The following BIRC3 variants were observed in gnomAD, a reference collection of about 807,000 sequenced individuals.
BIRC3 encodes baculoviral IAP repeat containing 3.
BIRC3 carries 26 observed loss-of-function variants against 59.0 expected under a neutral mutation model. That is an observed-to-expected ratio of 0.44 (90% confidence interval 0.32 to 0.61). The LOEUF (loss-of-function observed/expected upper bound fraction) is 0.61. Ranked by LOEUF, BIRC3 falls within the 20% of genes least tolerant of loss-of-function variation. The pLI, the probability that BIRC3 is intolerant of heterozygous loss-of-function variation, is 0.04. For synonymous variants in BIRC3, 243 were observed against 249.2 expected, an observed-to-expected ratio of 0.98 and a Z score of 0.24; for missense variants, 641 against 711.5, an observed-to-expected ratio of 0.90 and a Z score of 1.13.
chr11:102,325,605 A>G (rs779904963), intron 3 of BIRC3, 40 bp downstream of exon 3: 6 of 1,576,434 alleles, frequency 3.8e-6, no homozygotes, highest in Non-Finnish European at 4.4e-6. Context: ...TCTTGTGATT[A>G]TCATGAGATT....
chr11:102,335,877 T>C, intron 6 of BIRC3, 89 bp from the exon 7 acceptor site: 1 of 1,336,882 alleles, frequency 7.5e-7, no homozygotes, highest in Non-Finnish European at 1.0e-6. Context: ...GAATTAAAGA[T>C]AGTTTTTATC....
intron 4 of BIRC3, among the ~76,000 whole-genome samples, chr11:102,328,477 A>G (rs1447743865): frequency 6.6e-6 from 1 of 152,216 alleles, no homozygotes; most frequent in Non-Finnish European, 1.5e-5. Flanking sequence ...AACCTTGAGA[A>G]AGCAAATAAC....
rs1350859397 is a variant in BIRC3 at position 102,336,164 on chromosome 11, C to T, written c.1523C>T (p.Thr508Ile). 6.2e-7 allele frequency: 1 copy of T among 1,613,704 alleles called. No individual in the cohort carries two copies. Among genetic ancestry groups the T allele is most frequent in the Non-Finnish European group, 8.5e-7 (1 of 1,179,904 alleles). The change falls in exon 7 of 9, where the codon ACT becomes ATT. Residue 508 changes from threonine to isoleucine, a missense_variant. By Grantham distance (89) the Thr-to-Ile change is moderately conservative (BLOSUM62 -1). Around this residue, in one of 4 missense-constraint regions of BIRC3, gnomAD observed 268 missense variants for 255.7 expected, o/e 1.05. Transcript: ENST00000263464. ...TILVKGNIAA[T>I]VFRNSLQEAE... ...TTAGTAAAAGGAAATATTGCAGCCA[C>T]TGTATTCAGAAACTCTCTGCAAGAA...
chr11:102,323,642 T>C lies in BIRC3; in HGVS notation c.-868T>C, dbSNP rs1951053248. The C allele has an allele frequency of 5.1e-6, 1 of 194,962 alleles. No homozygotes were observed. The highest frequency in any genetic ancestry group is 1.1e-5 in the Non-Finnish European group (1 of 93,770). 12.1% of individuals were successfully genotyped at this position (194,962 alleles called of 1,614,324 possible). ...TTTAATTAATATTGAAACCAGGTTT[T>C]AAGATGTGTTAGCCAGTCCTGTTAC... On this transcript the variant is annotated 5_prime_UTR_variant, in exon 2 of 9. The change abolishes the stop of an existing upstream ORF in the 5' untranslated region. Coordinates refer to ENST00000263464, the MANE Select transcript of BIRC3 (RefSeq NM_001165.5).
chr11:102,324,609 T>G lies in BIRC3; in HGVS notation c.100T>G (p.Ser34Ala). 6.2e-7 allele frequency: 1 copy of G among 1,614,204 alleles called. No individual in the cohort carries two copies. Among genetic ancestry groups the G allele is most frequent in the Non-Finnish European group, 8.5e-7 (1 of 1,180,018 alleles). Reference protein sequence around the residue: ...YDLSCELYRMSTYSTFPAGVP... With the variant: ...YDLSCELYRMATYSTFPAGVP... ...CTTGTCATGTGAACTGTACCGAATG[T>G]CTACGTATTCCACTTTTCCTGCTGG... The change falls in exon 2 of 9, where the codon TCT becomes GCT. Residue 34 changes from serine (S) to alanine (A), a missense_variant. By Grantham distance (99) the Ser-to-Ala change is moderately conservative (BLOSUM62 1). Coordinates refer to ENST00000263464, the MANE Select transcript of BIRC3 (RefSeq NM_001165.5).
rs578002802 is a variant in BIRC3, at chr11:102,337,138, A to G, written c.*36A>G. The G allele has an allele frequency of 7.3e-7, 1 of 1,362,632 alleles. No homozygotes were observed. Among genetic ancestry groups the G allele is most frequent in the South Asian group, 1.9e-5 (1 of 52,774 alleles). 84.4% of individuals were successfully genotyped at this position (1,362,632 alleles called of 1,614,324 possible). A position where few individuals can be genotyped will look rare whatever the true frequency, so the allele number is the denominator to read the frequency against. On this transcript the variant is annotated 3_prime_UTR_variant, in exon 9 of 9. Coordinates refer to ENST00000263464, the MANE Select transcript of BIRC3 (RefSeq NM_001165.5). ...AAACATCGTCTAAACTTTAGAATTA[A>G]TTTATTAAATGTATTATAACTTTAA...
chr11:102,336,448 T>G (rs894028555), intron 7 of BIRC3: 10 of 567,534 alleles, frequency 1.8e-5, no homozygotes, highest in South Asian at 4.9e-5. Context: ...TTAAAACAAA[T>G]TATTTGTGAT....
At position 102,320,803 on chromosome 11, in the gene BIRC3, G is replaced by A. The variant is rs568601372; in HGVS notation, c.-2673-1034G>A. On this transcript the variant is annotated intron_variant, in intron 1 of 8. Transcript: ENST00000263464. ...GTTCAATGACAAATAGCAACAGTCTGTTATTGCTAGACTGTTACTGTTAGT... is the reference window on the plus strand; with the variant it reads ...GTTCAATGACAAATAGCAACAGTCTATTATTGCTAGACTGTTACTGTTAGT... 7.2e-5 allele frequency among the ~76,000 whole-genome samples: 11 copies of A among 152,356 alleles called. No homozygotes were observed. The South Asian group carries it at 1.9e-3, about 26-fold the overall frequency.
At chr11:102,335,480 T>G (rs1951186137) in intron 6 of BIRC3, among the ~76,000 whole-genome samples, 1 of 152,180 alleles carries the variant, frequency 6.6e-6, no homozygotes, top group South Asian at 2.1e-4. Flanking sequence ...GTGGTGTCCT[T>G]CGGCAACTTA....
rs144852435 is a variant in BIRC3 at position 102,324,563 on chromosome 11, C to T, written c.54C>T (p.Asn18=). Residue 18 remains asparagine, a synonymous_variant, in exon 2 of 9, where the codon AAC becomes AAT. Coordinates refer to ENST00000263464, the MANE Select transcript of BIRC3 (RefSeq NM_001165.5). ...TATCAAATTTGATGAAAAGCGCCAA[C>T]ACGTTTGAACTGAAATACGACTTGT... is the stretch of plus-strand genomic sequence containing the variant. The part of the protein sequence containing the change: ...IFLSNLMKSA[N]TFELKYDLSC... 11 of 1,613,888 alleles carry T rather than the reference C, an allele frequency of 6.8e-6. No homozygotes were observed. The African/African-American group carries it at 1.5e-4, about 22-fold the overall frequency.
intron 3 of BIRC3, among the ~76,000 whole-genome samples, chr11:102,325,975 T>A (rs1340764129): frequency 6.6e-6 from 1 of 152,088 alleles, no homozygotes. Context: ...TAGAAATAAA[T>A]ACATATACAT....
In BIRC3 at chr11:102,324,536, C is replaced by T. The variant is rs1231537234; in HGVS notation, c.27C>T (p.Phe9=). Reference sequence around the variant, plus strand: ...TGAACATAGTAGAAAACAGCATATTCTTATCAAATTTGATGAAAAGCGCCA... The same window carrying T: ...TGAACATAGTAGAAAACAGCATATTTTTATCAAATTTGATGAAAAGCGCCA... MNIVENSI[F]LSNLMKSANT... is the part of the protein sequence containing the mutation. The change falls in exon 2 of 9, where the codon TTC becomes TTT. Residue 9 remains phenylalanine, a synonymous_variant. Transcript: ENST00000263464. The T allele has an allele frequency of 6.2e-7, 1 of 1,613,624 alleles. No individual in the cohort carries two copies. Among genetic ancestry groups the T allele is most frequent in the Non-Finnish European group, 8.5e-7 (1 of 1,179,670 alleles).
chr11:102,326,960 C>T, intron 3 of BIRC3: 2 of 347,144 alleles, frequency 5.8e-6, no homozygotes, highest in Non-Finnish European at 5.7e-6. Flanking sequence ...GAGGTGCTTG[C>T]CCGGCCAACA....
chr11:102,331,893 G>A (rs564608582), intron 6 of BIRC3, among the ~76,000 whole-genome samples: 3 of 151,980 alleles, frequency 2.0e-5, no homozygotes, highest in African/African-American at 2.4e-5. Context: ...CGCCCGCCTC[G>A]GCCTCCCAAA....
chr11:102,338,273 C>A lies in BIRC3; in HGVS notation c.*1171C>A, dbSNP rs1951218878. The stretch of plus-strand genomic sequence containing the variant: ...TAGGGAATACTCAGGGGAAGGCAGG[C>A]AAAGGCTAGTCATCTAAACCAGTTC... On this transcript the variant is annotated 3_prime_UTR_variant, in exon 9 of 9. Coordinates refer to ENST00000263464, the MANE Select transcript of BIRC3 (RefSeq NM_001165.5). 3 of 227,970 alleles carry A rather than the reference C, an allele frequency of 1.3e-5. No individual in the cohort carries two copies. The highest frequency in any genetic ancestry group is 1.3e-3 in the Middle Eastern group (1 of 782). The allele number at this position is 227,970 out of a possible 1,614,324, so 14.1% of individuals were successfully genotyped here.
chr11:102,328,741 T>C (rs1160076281), intron 4 of BIRC3, among the ~76,000 whole-genome samples, 156 bp from the exon 5 acceptor site: 2 of 152,074 alleles, frequency 1.3e-5, no homozygotes, highest in African/African-American at 4.8e-5. Context: ...AAATGAAATA[T>C]TGCTTTTGGT....
At chr11:102,328,373 C>T (rs190393047) in intron 4 of BIRC3, among the ~76,000 whole-genome samples, 42 of 152,112 alleles carry the variant, frequency 2.8e-4, no homozygotes, top group African/African-American at 8.2e-4. Context: ...AATCAAACTT[C>T]GAGAAAAAAT....
At chr11:102,328,858 T>A in intron 4 of BIRC3, 39 bp from the exon 5 acceptor site, 3 of 605,688 alleles carry the variant, frequency 5.0e-6, no homozygotes, top group Non-Finnish European at 6.9e-6. Flanking sequence ...CTATTTTAAT[T>A]TATATATATA....
rs2135784294 is a variant in BIRC3 at position 102,324,684 on chromosome 11, G to A, written c.175G>A (p.Gly59Ser). Reference protein sequence around the residue: ...SLARAGFYYTGVNDKVKCFCC... With the variant: ...SLARAGFYYTSVNDKVKCFCC... ...TGCTCGTGCTGGTTTCTATTACACTGGTGTGAATGACAAGGTCAAATGCTT... is the reference window on the plus strand; with the variant it reads ...TGCTCGTGCTGGTTTCTATTACACTAGTGTGAATGACAAGGTCAAATGCTT... The change falls in exon 2 of 9, where the codon GGT (glycine) becomes AGT (serine). Residue 59 changes from glycine to serine, a missense_variant. Physicochemically the swap from Gly to Ser is moderately conservative, Grantham distance 56. Transcript: ENST00000263464. 6.2e-7 allele frequency: 1 copy of A among 1,614,132 alleles called. No homozygotes were observed.
Sources: allele counts gnomAD v4.1 joint callset (sites outside exome capture counted in the v4.1 genomes callset), GRCh38; gene constraint gnomAD v4.1.1; regional missense constraint gnomAD v4.1.1; transcripts MANE v1.5; gene names NCBI Gene and HGNC (gene_info 2026-07-23, HGNC 2026-07-21).